Variants in PLPPR1 observed in about 807,000 individuals in gnomAD.
PLPPR1 encodes the protein phospholipid phosphatase-related protein type 1.
PLPPR1 carries 10 observed loss-of-function variants against 33.1 expected under a neutral mutation model. The ratio of observed to expected loss-of-function variants is 0.30; its 90% confidence interval spans 0.19 to 0.51. PLPPR1 has a LOEUF of 0.51. Among genes scored for constraint, PLPPR1 ranks in the 20% least tolerant of loss-of-function variants. The probability of loss-of-function intolerance (pLI) is 0.97; values close to 1 mark genes in which losing one functional copy is unlikely to be tolerated. For missense variants in PLPPR1, 304 were observed against 408.1 expected (o/e 0.74, Z 2.20); for synonymous variants, 151 against 151.0 (o/e 1.00, Z 0.00).
At chr9:101,074,783 G>T (rs1470161624) in intron 1 of PLPPR1, among the ~76,000 whole-genome samples, 1 of 151,870 alleles carries the variant, frequency 6.6e-6, no homozygotes, top group East Asian at 1.9e-4. Flanking sequence ...ATTATCAAGT[G>T]GTTACCCAGA....
intron 2 of PLPPR1, among the ~76,000 whole-genome samples, chr9:101,247,596 G>C (rs1827634459): frequency 6.6e-6 from 1 of 152,004 alleles, no homozygotes; most frequent in African/African-American, 2.4e-5. Flanking sequence ...TAGTAGTCTG[G>C]TATTACCATC....
At chr9:101,096,631 A>T in intron 1 of PLPPR1, among the ~76,000 whole-genome samples, 1 of 151,458 alleles carries the variant, frequency 6.6e-6, no homozygotes, top group East Asian at 1.9e-4. Context: ...CACAGTGAAC[A>T]TTTGCATTAT....
At chr9:101,102,231 G>C (rs568288128) in intron 1 of PLPPR1, among the ~76,000 whole-genome samples, 6 of 121,908 alleles carry the variant, frequency 4.9e-5, no homozygotes, top group Non-Finnish European at 1.0e-4. Flanking sequence ...TGACATGCTG[G>C]TGCGCTGCAC....
At chr9:101,109,702 A>G (rs1831027101) in intron 1 of PLPPR1, among the ~76,000 whole-genome samples, 1 of 152,346 alleles carries the variant, frequency 6.6e-6, no homozygotes, top group Non-Finnish European at 1.5e-5. Context: ...ATAATTTAGT[A>G]ATCTGTAATC....
rs553324474 is a variant in PLPPR1, at chr9:101,316,616, C to CAAAAAAA, written c.814-743_814-737dup. On this transcript the variant is annotated intron_variant, in intron 6 of 7. Transcript: ENST00000374874. The stretch of plus-strand genomic sequence containing the variant: ...AGGGAAAAGGAGGGTTCTTCTTGGG[C>CAAAAAAA]AAAAAAAAAAAAGCAGGGAAGATGG... 4.4e-3 allele frequency among the ~76,000 whole-genome samples: 362 copies of CAAAAAAA among 82,550 alleles called. 24 individuals are homozygous for CAAAAAAA. The highest frequency in any genetic ancestry group is 7.3e-3 in the Non-Finnish European group (311 of 42,840). The allele number at this position is 82,550 out of a possible 152,430, so 54.2% of individuals were successfully genotyped here.
intron 2 of PLPPR1, among the ~76,000 whole-genome samples, chr9:101,257,862 A>T (rs889901152): frequency 1.3e-5 from 2 of 151,984 alleles, no homozygotes; most frequent in African/African-American, 4.8e-5. Flanking sequence ...TCTATTTTTA[A>T]ATCCTTAAGT....
At chr9:101,247,931 T>C (rs1827643862) in intron 2 of PLPPR1, among the ~76,000 whole-genome samples, 1 of 151,980 alleles carries the variant, frequency 6.6e-6, no homozygotes, top group Non-Finnish European at 1.5e-5. Context: ...TTTCTGATTC[T>C]CAGGGAATAG....
chr9:101,040,485 G>A (rs1830063714), intron 1 of PLPPR1, among the ~76,000 whole-genome samples: 1 of 152,158 alleles, frequency 6.6e-6, no homozygotes, highest in Admixed American at 6.6e-5. Flanking sequence ...CTGATTGGGT[G>A]TGAGCTGTGG....
rs1292557832 is a variant in PLPPR1, at chr9:101,078,170, GAAGAAGAAGAAGAA to G, written c.-46+49069_-46+49082del. On this transcript the variant is annotated intron_variant, in intron 1 of 7. Transcript: ENST00000374874. The stretch of plus-strand genomic sequence containing the variant: ...AGAAGAAGAAGAAGAAGAAGAAGAA[GAAGAAGAAGAAGAA>G]GAGGAGGGGGGGAGGGGGAGGGGGA... 8.9e-4 allele frequency among the ~76,000 whole-genome samples: 36 copies of G among 40,364 alleles called. 2 individuals are homozygous for G. Among genetic ancestry groups the G allele is most frequent in the Non-Finnish European group, 1.2e-3 (26 of 21,150 alleles). 26.5% of individuals were successfully genotyped at this position (40,364 alleles called of 152,430 possible). A position where few individuals can be genotyped will look rare whatever the true frequency, so the allele number is the denominator to read the frequency against.
Position 101,269,954 on chromosome 9 carries a change from A to G in PLPPR1, c.138A>G (p.Gln46=), listed in dbSNP as rs139896503. The G allele has an allele frequency of 4.1e-5, 66 of 1,614,090 alleles. No individual in the cohort carries two copies. Among genetic ancestry groups the G allele is most frequent in the Non-Finnish European group, 5.3e-5 (62 of 1,180,040 alleles). Residue 46 remains glutamine (Q), a synonymous_variant, in exon 3 of 8, where the codon CAA becomes CAG. Transcript: ENST00000374874. The part of the protein sequence containing the change: ...ECTDTFQVHI[Q]GFFCQDGDLM... ...CTGACACTTTTCAGGTGCATATCCA[A>G]GGATTCTTCTGTCAGGACGGAGACT...
chr9:101,197,439 C>A (rs1042726307), intron 2 of PLPPR1, among the ~76,000 whole-genome samples: 1 of 152,188 alleles, frequency 6.6e-6, no homozygotes, highest in Non-Finnish European at 1.5e-5. Flanking sequence ...TTTTCTTCTA[C>A]TTTCTCTATG....
intron 1 of PLPPR1, among the ~76,000 whole-genome samples, chr9:101,135,637 T>C (rs1831369325): frequency 6.6e-6 from 1 of 152,168 alleles, no homozygotes; most frequent in Non-Finnish European, 1.5e-5. Flanking sequence ...TTCTGTTGGG[T>C]TGTGTTCCTG....
chr9:101,265,719 G>A (rs563738878), intron 2 of PLPPR1, among the ~76,000 whole-genome samples: 24 of 152,266 alleles, frequency 1.6e-4, no homozygotes, highest in Admixed American at 3.9e-4. Flanking sequence ...ACAGGAGGCC[G>A]GGTACGGTGG....
At chr9:101,085,733 G>A (rs1423580759) in intron 1 of PLPPR1, among the ~76,000 whole-genome samples, 1 of 152,130 alleles carries the variant, frequency 6.6e-6, no homozygotes, top group East Asian at 1.9e-4. Flanking sequence ...ATGAGGCTGG[G>A]GCTAGTTTTC....
At chr9:101,109,287 T>C (rs1376997232) in intron 1 of PLPPR1, among the ~76,000 whole-genome samples, 1 of 152,006 alleles carries the variant, frequency 6.6e-6, no homozygotes, top group African/African-American at 2.4e-5. Flanking sequence ...CCTCAGTATT[T>C]TTGAAGGGTA....
At chr9:101,188,491 T>A (rs1826242195) in intron 2 of PLPPR1, among the ~76,000 whole-genome samples, 1 of 152,150 alleles carries the variant, frequency 6.6e-6, no homozygotes, top group Admixed American at 6.6e-5. Context: ...TGTTTTTTAC[T>A]TTTTTGCCTT....
intron 1 of PLPPR1, among the ~76,000 whole-genome samples, chr9:101,138,981 G>A (rs1444115710): frequency 6.6e-6 from 1 of 151,994 alleles, no homozygotes; most frequent in Non-Finnish European, 1.5e-5. Flanking sequence ...AAGGGAAGAG[G>A]TCTCCAGCAA....
intron 1 of PLPPR1, among the ~76,000 whole-genome samples, chr9:101,176,478 A>G (rs1447083884): frequency 6.6e-6 from 1 of 152,154 alleles, no homozygotes; most frequent in South Asian, 2.1e-4. Flanking sequence ...GCCTAATGTG[A>G]AGTTAGAAAT....
At chr9:101,211,056 C>T (rs986675149) in intron 2 of PLPPR1, among the ~76,000 whole-genome samples, 7 of 152,180 alleles carry the variant, frequency 4.6e-5, no homozygotes, top group Admixed American at 3.3e-4. Context: ...CGTAAGCCAC[C>T]GCCCCCGGCC....
Sources: allele counts gnomAD v4.1 joint callset (sites outside exome capture counted in the v4.1 genomes callset), GRCh38; gene constraint gnomAD v4.1.1; transcripts MANE v1.5; gene names NCBI Gene and HGNC (gene_info 2026-07-23, HGNC 2026-07-21).